The following GRM7 variants were observed in gnomAD, a reference collection of about 807,000 sequenced individuals.
GRM7 encodes metabotropic glutamate receptor 7.
In GRM7, 35 loss-of-function variants were observed where a neutral mutation model predicts 84.5. The observed-to-expected ratio is 0.41, with a 90% confidence interval of 0.32 to 0.55. GRM7 has a LOEUF of 0.55. Ranked by LOEUF, GRM7 falls within the 20% of genes least tolerant of loss-of-function variation. The pLI is 0.19. For missense variants in GRM7, 1,003 were observed against 1,194.6 expected (o/e 0.84, Z 2.36); for synonymous variants, 487 against 455.1 (o/e 1.07, Z -0.89).
At chr3:7,365,016 T>A (rs1350904522) in intron 4 of GRM7, among the ~76,000 whole-genome samples, 13 of 151,876 alleles carry the variant, frequency 8.6e-5, no homozygotes, top group Non-Finnish European at 1.9e-4. Context: ...TTGCCCTTAT[T>A]CTTGATTGAC....
intron 9 of GRM7, chr3:7,686,297 A>G: frequency 4.1e-6 from 3 of 739,610 alleles, no homozygotes; most frequent in Non-Finnish European, 7.2e-6. Flanking sequence ...AATAATAATA[A>G]AAAGTAATAT....
chr3:7,170,751 G>A (rs73124129), intron 2 of GRM7, among the ~76,000 whole-genome samples: 5 of 152,222 alleles, frequency 3.3e-5, no homozygotes, highest in African/African-American at 1.2e-4. Flanking sequence ...AAAGGGTAAG[G>A]GTAGTCTGTC....
chr3:7,345,439 C>G (rs1167771906), intron 4 of GRM7, among the ~76,000 whole-genome samples: 1 of 151,962 alleles, frequency 6.6e-6, no homozygotes, highest in East Asian at 1.9e-4. Flanking sequence ...GCCACCATGC[C>G]TGGCTTATTT....
chr3:7,579,825 C>T (rs9826424), intron 8 of GRM7, among the ~76,000 whole-genome samples: 49,834 of 151,948 alleles, frequency 0.33, 8,814 homozygotes, highest in African/African-American at 0.46. Context: ...GTCCATTGCA[C>T]TTAGTACTCA....
chr3:7,112,423 A>G (rs1692889901), intron 1 of GRM7, among the ~76,000 whole-genome samples: 1 of 152,060 alleles, frequency 6.6e-6, no homozygotes, highest in Admixed American at 6.6e-5. Context: ...ATGGGGTTTC[A>G]CCATGTTAGC....
intron 7 of GRM7, among the ~76,000 whole-genome samples, chr3:7,549,488 A>C (rs1458397188): frequency 1.3e-5 from 2 of 152,174 alleles, no homozygotes; most frequent in African/African-American, 4.8e-5. Context: ...TATACCTCTG[A>C]GCCTGTATGT....
chr3:7,564,912 T>G (rs554573248), intron 7 of GRM7, among the ~76,000 whole-genome samples: 1 of 152,276 alleles, frequency 6.6e-6, no homozygotes, highest in South Asian at 2.1e-4. Flanking sequence ...TTCAGAGAAG[T>G]CAGGGACTAC....
chr3:7,661,429 A>T (rs1025054329), intron 8 of GRM7, among the ~76,000 whole-genome samples: 1 of 152,196 alleles, frequency 6.6e-6, no homozygotes, highest in Non-Finnish European at 1.5e-5. Context: ...GGCTGAAGTT[A>T]AAAAAGATTG....
intron 2 of GRM7, among the ~76,000 whole-genome samples, chr3:7,249,816 T>C (rs1222498027): frequency 1.3e-5 from 2 of 152,212 alleles, no homozygotes; most frequent in Non-Finnish European, 2.9e-5. Context: ...TTATCTGTCT[T>C]GTCTGAGTGG....
intron 9 of GRM7, among the ~76,000 whole-genome samples, chr3:7,730,677 G>A (rs889503983): frequency 2.0e-5 from 3 of 152,146 alleles, no homozygotes; most frequent in Non-Finnish European, 4.4e-5. Context: ...GGAACACTAA[G>A]TACTACTCTG....
intron 9 of GRM7, among the ~76,000 whole-genome samples, chr3:7,714,538 G>C (rs1361313065): frequency 2.6e-5 from 4 of 152,158 alleles, no homozygotes; most frequent in African/African-American, 4.8e-5. Context: ...ATTCACTTAG[G>C]TTCCATTGCA....
chr3:6,861,761 G>A lies in GRM7; in HGVS notation c.373G>A (p.Ala125Thr). The change falls in exon 1 of 10, where the codon GCG becomes ACG. Residue 125 changes from alanine (A) to threonine (T), a missense_variant. Around this residue, in one of 2 missense-constraint regions of GRM7, gnomAD observed 910 missense variants for 1,126.0 expected, o/e 0.81. Transcript: ENST00000357716. The surrounding 1 kb of genome is among the most constrained non-coding windows in gnomAD (Gnocchi z 6.4). Reference protein sequence around the residue: ...ALEQSLTFVQALIQKDTSDVR... With the variant: ...ALEQSLTFVQTLIQKDTSDVR... ...CGAACAGTCGCTTACTTTCGTCCAG[G>A]CGCTCATCCAGAAGGACACCTCCGA... 1 of 1,614,208 alleles carries A rather than the reference G, an allele frequency of 6.2e-7. No homozygotes were observed. The highest frequency in any genetic ancestry group is 2.2e-5 in the East Asian group (1 of 44,850).
intron 2 of GRM7, among the ~76,000 whole-genome samples, chr3:7,237,030 C>T (rs184677604): frequency 4.6e-5 from 7 of 152,130 alleles, no homozygotes; most frequent in East Asian, 3.9e-4. Context: ...ATATACAGCC[C>T]GGTCATCAGT....
intron 1 of GRM7, among the ~76,000 whole-genome samples, chr3:7,021,502 A>G (rs866304861): frequency 6.6e-6 from 1 of 152,214 alleles, no homozygotes; most frequent in Non-Finnish European, 1.5e-5. Flanking sequence ...GAAGCTGAAC[A>G]TCTAAAAACT....
intron 2 of GRM7, among the ~76,000 whole-genome samples, chr3:7,198,876 C>G (rs770219556): frequency 6.6e-6 from 1 of 152,072 alleles, no homozygotes; most frequent in Non-Finnish European, 1.5e-5. Context: ...GTTTACTCCT[C>G]AAAAGGGTGG....
intron 8 of GRM7, among the ~76,000 whole-genome samples, chr3:7,624,603 T>C (rs550541009): frequency 6.6e-6 from 1 of 152,302 alleles, no homozygotes; most frequent in Admixed American, 6.5e-5. Context: ...ATTCTACAAA[T>C]TTAGTTATCA....
rs1692971146 is a variant in GRM7, at chr3:7,348,079, G to A, written c.1033+41427G>A. Among the ~76,000 whole-genome samples the A allele has an allele frequency of 3.9e-5, 6 of 152,256 alleles. 1 individual carries two copies. The South Asian group carries it at 1.2e-3, about 32-fold the overall frequency. On this transcript the variant is annotated intron_variant, in intron 4 of 9. Coordinates refer to ENST00000357716, the MANE Select transcript of GRM7 (RefSeq NM_000844.4). ...CTAGTGGTAAAATCTGTGTGCTTCT[G>A]AGTTATGGTAATGGACTCCTTCCGT...
rs1403928373 is a variant in GRM7 at position 7,454,088 on chromosome 3, ACACT to A, written c.1375+1283_1375+1286del. On this transcript the variant is annotated intron_variant, in intron 6 of 9. Coordinates refer to ENST00000357716, the MANE Select transcript of GRM7 (RefSeq NM_000844.4). Reference sequence around the variant, plus strand: ...GAACCATACATGAAAAGCTACACACACACTCTCTCTCTCTCTCTCTCTCTCTCTC... The same window carrying A: ...GAACCATACATGAAAAGCTACACACACTCTCTCTCTCTCTCTCTCTCTCTC... 3.1e-3 allele frequency among the ~76,000 whole-genome samples: 342 copies of A among 111,752 alleles called. 1 individual carries two copies. The highest frequency in any genetic ancestry group is 0.012 in the African/African-American group (306 of 25,992). 73.3% of individuals were successfully genotyped at this position (111,752 alleles called of 152,430 possible).
At chr3:7,067,659 G>A (rs777904076) in intron 1 of GRM7, among the ~76,000 whole-genome samples, 6 of 151,862 alleles carry the variant, frequency 4.0e-5, no homozygotes, top group Non-Finnish European at 8.8e-5. Context: ...CTACAAACAA[G>A]GCTCCATGGG....
Sources: gnomAD v4.1 joint callset for allele counts (sites outside exome capture counted in the v4.1 genomes callset) on GRCh38, gnomAD v4.1.1 for gene constraint, gnomAD v4.1.1 regional missense constraint, Gnocchi (gnomAD v3.1) non-coding constraint, MANE v1.5 for transcripts, NCBI Gene and HGNC (gene_info 2026-07-23, HGNC 2026-07-21) for gene names.